The following CR1 variants were observed in gnomAD, a reference collection of about 807,000 sequenced individuals.
The protein encoded by CR1 is complement receptor type 1.
A neutral mutation model predicts 187.3 loss-of-function variants in CR1; 116 were observed. That is an observed-to-expected ratio of 0.62 (90% CI 0.53 to 0.72). The LOEUF is 0.72. CR1 is among the 30% of genes least tolerant of loss of function. The probability of loss-of-function intolerance (pLI) is 0.00; values close to 1 mark genes in which losing one functional copy is unlikely to be tolerated. For synonymous variants in CR1, 576 were observed against 747.1 expected, an observed-to-expected ratio of 0.77 and a Z score of 3.73; for missense variants, 1,731 against 2,110.7, an observed-to-expected ratio of 0.82 and a Z score of 3.52.
chr1:207,623,295 C>A (rs1662370826), intron 45 of CR1, among the ~76,000 whole-genome samples: 1 of 151,302 alleles, frequency 6.6e-6, no homozygotes, highest in South Asian at 2.1e-4. Flanking sequence ...AAAAAAAGAC[C>A]ATTTGGCCAG....
rs766708027 is a variant in CR1 at position 207,580,359 on chromosome 1, G to A, written c.5056G>A (p.Ala1686Thr). 8 of 1,613,992 alleles carry A rather than the reference G, an allele frequency of 5.0e-6. No individual in the cohort carries two copies. Among genetic ancestry groups the A allele is most frequent in the Non-Finnish European group, 6.8e-6 (8 of 1,179,882 alleles). ...CEPGYDLRGA[A>T]SLHCTPQGDW... ...GCCTGGCTATGACCTCAGAGGGGCT[G>A]CGTCTCTGCACTGCACACCCCAGGG... Residue 1686 changes from alanine to threonine, a missense_variant, in exon 30 of 47, where the codon GCG (alanine) becomes ACG (threonine). This residue lies in a region of CR1 where 1,312 missense variants were observed against 1,379.6 expected (regional missense o/e 0.95). Coordinates refer to ENST00000367049, the MANE Select transcript of CR1 (RefSeq NM_000651.6).
chr1:207,617,608 TATATAGAGAGAG>T (rs1453561088), intron 41 of CR1, among the ~76,000 whole-genome samples: 32 of 12,216 alleles, frequency 2.6e-3, no homozygotes, highest in Middle Eastern at 0.036. Context: ...TATATATATA[TATATAGAGAGAG>T]AGAGAGAGAG....
intron 27 of CR1, among the ~76,000 whole-genome samples, chr1:207,572,552 A>G (rs1660611203): frequency 6.6e-6 from 1 of 151,920 alleles, no homozygotes; most frequent in South Asian, 2.1e-4. Context: ...CATATAGTAT[A>G]AACACAACTT....
chr1:207,516,261 T>C (rs1011541221), intron 4 of CR1, among the ~76,000 whole-genome samples: 4 of 152,122 alleles, frequency 2.6e-5, no homozygotes, highest in South Asian at 2.1e-4. Flanking sequence ...AAAAAGACTA[T>C]TCCTTGCATA....
At chr1:207,497,315 A>G (rs966841994) in intron 1 of CR1, among the ~76,000 whole-genome samples, 3 of 152,188 alleles carry the variant, frequency 2.0e-5, no homozygotes, top group African/African-American at 4.8e-5. Context: ...AAACATCTTC[A>G]GTTAGAACCC....
In CR1 at chr1:207,605,781, T is replaced by C. The variant is rs191099625; in HGVS notation, c.5811-1470T>C. The C allele has an allele frequency of 4.0e-4, 60 of 151,814 alleles. No homozygotes were observed. In the East Asian group the frequency reaches 0.011, roughly 27 times the overall value. The allele number at this position is 151,814 out of a possible 1,614,324, so 9.4% of individuals were successfully genotyped here. A position where few individuals can be genotyped will look rare whatever the true frequency, so the allele number is the denominator to read the frequency against. On this transcript the variant is annotated intron_variant, in intron 35 of 46. Transcript: ENST00000367049. ...TGTTTAATTGCAGCAATTTTTAAGA[T>C]TTTTTTTCTTGGCACACTTGAAAAG... is the stretch of plus-strand genomic sequence containing the variant.
At chr1:207,508,007 C>T (rs1475088129) in intron 3 of CR1, among the ~76,000 whole-genome samples, 1 of 152,072 alleles carries the variant, frequency 6.6e-6, no homozygotes, top group Non-Finnish European at 1.5e-5. Context: ...AATAGTGAAC[C>T]TTTTTTCACC....
chr1:207,520,140 T>G (rs932858288), intron 4 of CR1, among the ~76,000 whole-genome samples: 3 of 152,230 alleles, frequency 2.0e-5, no homozygotes, highest in Non-Finnish European at 4.4e-5. Context: ...ATTTAGAATA[T>G]GTTTAGCTTT....
In CR1 at chr1:207,496,378, G is replaced by A. The variant is rs1212471763; in HGVS notation, c.111G>A (p.Pro37=). The A allele has an allele frequency of 5.0e-6, 8 of 1,609,650 alleles. No homozygotes were observed. Among genetic ancestry groups the A allele is most frequent in the African/African-American group, 4.0e-5 (3 of 74,824 alleles). The change falls in exon 1 of 47, where the codon CCG becomes CCA. Residue 37 remains proline (P), a synonymous_variant. Transcript: ENST00000367049. The part of the protein sequence containing the change: ...LLAVVVLLAL[P]VAWGQCNAPE... ...CGGTTGTGGTGCTGCTTGCGCTGCC[G>A]GTGGCCTGGGGTGAGAGGCGGGCGG...
At chr1:207,608,170 G>A (rs1359205263) in intron 36 of CR1, among the ~76,000 whole-genome samples, 2 of 152,112 alleles carry the variant, frequency 1.3e-5, no homozygotes, top group Admixed American at 1.3e-4. Context: ...TGTTCAGCAT[G>A]GTTTGAAAAT....
At chr1:207,574,274 C>A (rs1293123296) in intron 27 of CR1, among the ~76,000 whole-genome samples, 3 of 152,154 alleles carry the variant, frequency 2.0e-5, no homozygotes, top group East Asian at 3.8e-4. Flanking sequence ...GAGAAAAAAA[C>A]TCTGATTCCA....
intron 33 of CR1, among the ~76,000 whole-genome samples, chr1:207,585,554 C>T (rs946553870): frequency 2.0e-5 from 3 of 152,176 alleles, no homozygotes; most frequent in East Asian, 1.9e-4. Context: ...AAACATTAGG[C>T]CTTTTCCAGA....
intron 45 of CR1, among the ~76,000 whole-genome samples, chr1:207,630,199 C>T (rs889137519): frequency 6.6e-6 from 1 of 152,038 alleles, no homozygotes; most frequent in Non-Finnish European, 1.5e-5. Flanking sequence ...GTCAAAATCT[C>T]GATGTAAATC....
chr1:207,615,880 T>C lies in CR1; in HGVS notation c.6662-695T>C, dbSNP rs529122305. ...TGTTTGATGTACTAGGTCTTTTATATACACATAATTCTGATAAATTTGGGT... is the reference window on the plus strand; with the variant it reads ...TGTTTGATGTACTAGGTCTTTTATACACACATAATTCTGATAAATTTGGGT... On this transcript the variant is annotated intron_variant, in intron 40 of 46. Transcript: ENST00000367049. Among the ~76,000 whole-genome samples, 6 of 152,350 alleles carry C rather than the reference T, an allele frequency of 3.9e-5. No individual in the cohort carries two copies. The East Asian group carries it at 9.6e-4, about 24-fold the overall frequency.
intron 24 of CR1, among the ~76,000 whole-genome samples, chr1:207,566,815 G>T (rs562671709): frequency 4.0e-5 from 6 of 150,360 alleles, no homozygotes; most frequent in African/African-American, 1.5e-4. Context: ...TGATTCTAAT[G>T]ATTGGAAAAC....
At position 207,506,733 on chromosome 1, in the gene CR1, T is replaced by C. The variant is rs1321435778; in HGVS notation, c.321T>C (p.Pro107=). ...CTGTAGGTAAATCATGTCGTAATCC[T>C]CCAGATCCTGTGAATGGCATGGTGC... ...DRCRRKSCRN[P]PDPVNGMVHV... Residue 107 remains proline, a synonymous_variant, in exon 3 of 47, where the codon CCT becomes CCC. Coordinates refer to ENST00000367049, the MANE Select transcript of CR1 (RefSeq NM_000651.6). The C allele has an allele frequency of 6.2e-7, 1 of 1,613,556 alleles. No homozygotes were observed. Among genetic ancestry groups the C allele is most frequent in the Non-Finnish European group, 8.5e-7 (1 of 1,179,678 alleles).
intron 35 of CR1, among the ~76,000 whole-genome samples, chr1:207,593,103 A>AAAAAAAAC (rs1661326020): frequency 2.7e-5 from 4 of 149,806 alleles, no homozygotes. Flanking sequence ...AAAAAAAAAA[A>AAAAAAAAC]CTACTTTAAA....
At chr1:207,612,795 A>T (rs1661972655) in intron 39 of CR1, among the ~76,000 whole-genome samples, 1 of 152,230 alleles carries the variant, frequency 6.6e-6, no homozygotes, top group Non-Finnish European at 1.5e-5. Flanking sequence ...ATGGGCTCTG[A>T]GCAGTGCTGG....
At chr1:207,510,412 A>C (rs73076498) in intron 3 of CR1, among the ~76,000 whole-genome samples, 1 of 152,302 alleles carries the variant, frequency 6.6e-6, no homozygotes, top group African/African-American at 2.4e-5. Flanking sequence ...GTTTTCTTAC[A>C]TACTCATAAA....
Sources: allele counts gnomAD v4.1 joint callset (sites outside exome capture counted in the v4.1 genomes callset), GRCh38; gene constraint gnomAD v4.1.1; regional missense constraint gnomAD v4.1.1; transcripts MANE v1.5; gene names NCBI Gene and HGNC (gene_info 2026-07-23, HGNC 2026-07-21).